The following LAMA2 variants were observed in gnomAD, a reference collection of about 807,000 sequenced individuals.
The protein encoded by LAMA2 is laminin subunit alpha 2.
LAMA2 carries 269 observed loss-of-function variants against 364.8 expected under a neutral mutation model. That is an observed-to-expected ratio of 0.74 (90% CI 0.67 to 0.82). The LOEUF is 0.82. Ranked by LOEUF, LAMA2 falls within the 40% of genes least tolerant of loss-of-function variation. The pLI is 0.00. For synonymous variants in LAMA2, 1,379 were observed against 1,370.6 expected, an observed-to-expected ratio of 1.01 and a Z score of -0.14; for missense variants, 3,807 against 3,873.2, an observed-to-expected ratio of 0.98 and a Z score of 0.45.
chr6:129,455,670 AATG>A (rs1782925233), intron 47 of LAMA2, among the ~76,000 whole-genome samples: 1 of 152,170 alleles, frequency 6.6e-6, no homozygotes, highest in Non-Finnish European at 1.5e-5. Context: ...AATGAAATAA[AATG>A]ATAATAGCTT....
intron 37 of LAMA2, among the ~76,000 whole-genome samples, chr6:129,394,582 G>A (rs1364553900): frequency 6.6e-6 from 1 of 152,150 alleles, no homozygotes; most frequent in African/African-American, 2.4e-5. Context: ...ATACTGCTGT[G>A]AGGCAGGATG....
intron 29 of LAMA2, 144 bp from the exon 30 acceptor site, chr6:129,342,199 G>A: frequency 1.5e-6 from 1 of 683,872 alleles, no homozygotes; most frequent in South Asian, 1.6e-5. Flanking sequence ...TTCTCTGTCA[G>A]TGATAAAGTG....
intron 14 of LAMA2, among the ~76,000 whole-genome samples, chr6:129,254,346 T>C (rs1786483135): frequency 6.6e-6 from 1 of 152,222 alleles, no homozygotes; most frequent in African/African-American, 2.4e-5. Flanking sequence ...TATTTAATAG[T>C]TGTAAACATA....
chr6:128,930,949 C>G (rs559281667), intron 1 of LAMA2, among the ~76,000 whole-genome samples: 9 of 152,238 alleles, frequency 5.9e-5, no homozygotes, highest in African/African-American at 9.6e-5. Flanking sequence ...CTAAGATGCT[C>G]TCTGCTAGTC....
chr6:129,438,520 A>G (rs1781943228), intron 41 of LAMA2, 126 bp from the exon 42 acceptor site: 1 of 594,816 alleles, frequency 1.7e-6, no homozygotes, highest in African/African-American at 1.9e-5. Flanking sequence ...ATAGATGCCA[A>G]TAAATTAAAT....
In LAMA2 at chr6:129,049,955, T is replaced by C. The variant is rs1787874889; in HGVS notation, c.150T>C (p.Ala50=). ...FPAVLNLASN[A]LITTNATCGE... ...CTGTCCTGAATCTTGCTTCTAATGC[T>C]CTTATCACGACCAATGCAACATGTG... Residue 50 remains alanine, a synonymous_variant, in exon 2 of 65, where the codon GCT becomes GCC. Transcript: ENST00000421865. 1 of 1,614,082 alleles carries C rather than the reference T, an allele frequency of 6.2e-7. No homozygotes were observed. Among genetic ancestry groups the C allele is most frequent in the South Asian group, 1.1e-5 (1 of 91,076 alleles).
At chr6:129,029,097 A>G (rs1786038916) in intron 1 of LAMA2, among the ~76,000 whole-genome samples, 1 of 151,972 alleles carries the variant, frequency 6.6e-6, no homozygotes, top group African/African-American at 2.4e-5. Context: ...AAATACAAGG[A>G]GAAAGGAATA....
chr6:129,498,910 AC>A (rs1365543000), intron 58 of LAMA2, among the ~76,000 whole-genome samples: 2 of 152,206 alleles, frequency 1.3e-5, no homozygotes, highest in Non-Finnish European at 2.9e-5. Context: ...CTTTATTCTG[AC>A]CTGAAGTTAA....
chr6:128,984,347 G>C (rs1783081770), intron 1 of LAMA2, among the ~76,000 whole-genome samples: 1 of 152,062 alleles, frequency 6.6e-6, no homozygotes, highest in Non-Finnish European at 1.5e-5. Context: ...ACTCTTCTGA[G>C]GCCTCCTCAT....
At chr6:129,357,547 A>G (rs1017789885) in intron 32 of LAMA2, among the ~76,000 whole-genome samples, 4 of 152,100 alleles carry the variant, frequency 2.6e-5, no homozygotes, top group East Asian at 1.9e-4. Context: ...TTGCTTGCCA[A>G]TTTGCAAAAG....
In LAMA2 at chr6:129,391,609, G is replaced by GA. The variant is rs747567057; in HGVS notation, c.5195dup (p.Asn1732LysfsTer10). On this transcript the variant is annotated frameshift_variant, in exon 36 of 65. Coordinates refer to ENST00000421865, the MANE Select transcript of LAMA2 (RefSeq NM_000426.4). LOFTEE classifies it high-confidence loss of function. ...ACCAGATGATTAAAGAACTGAGGAG[G>GA]AAAAATCTAGAGACACAAAAGGAAA... The GA allele has an allele frequency of 4.3e-6, 7 of 1,613,802 alleles. No individual in the cohort carries two copies. The highest frequency in any genetic ancestry group is 5.9e-6 in the Non-Finnish European group (7 of 1,179,848).
In LAMA2 at chr6:129,492,310, A is replaced by AT; in HGVS notation, c.8076-3dup. 6.2e-7 allele frequency: 1 copy of AT among 1,613,616 alleles called. No individual in the cohort carries two copies. The highest frequency in any genetic ancestry group is 8.5e-7 in the Non-Finnish European group (1 of 1,179,532). On this transcript the variant is annotated splice_polypyrimidine_tract_variant and splice_region_variant and intron_variant, in intron 57 of 64. Transcript: ENST00000421865. ...AAAAAAATCTTATTTATTACATTCT[A>AT]TTAGCCCCATGGACTTTGCAAGGCC...
chr6:129,513,238 CT>C (rs1039284117), intron 63 of LAMA2, among the ~76,000 whole-genome samples: 3 of 152,118 alleles, frequency 2.0e-5, no homozygotes, highest in African/African-American at 7.2e-5. Flanking sequence ...TTTTTTCTTG[CT>C]TTCTTCCTCT....
At chr6:129,372,426 C>A (rs1386436474) in intron 34 of LAMA2, among the ~76,000 whole-genome samples, 1 of 152,134 alleles carries the variant, frequency 6.6e-6, no homozygotes, top group East Asian at 1.9e-4. Flanking sequence ...TAGCTTCTTT[C>A]CCTTGGTAAT....
At chr6:129,138,759 C>T (rs955759124) in intron 4 of LAMA2, among the ~76,000 whole-genome samples, 1 of 151,930 alleles carries the variant, frequency 6.6e-6, no homozygotes, top group Non-Finnish European at 1.5e-5. Context: ...TATAATAAAG[C>T]TACTGACAAT....
intron 28 of LAMA2, among the ~76,000 whole-genome samples, chr6:129,322,789 G>A (rs1775049585): frequency 6.6e-6 from 1 of 152,058 alleles, no homozygotes; most frequent in African/African-American, 2.4e-5. Flanking sequence ...TTCCATTCTG[G>A]ATTTAAAATG....
intron 21 of LAMA2, among the ~76,000 whole-genome samples, chr6:129,298,538 TG>T (rs1562431456): frequency 6.6e-6 from 1 of 152,150 alleles, no homozygotes; most frequent in Non-Finnish European, 1.5e-5. Context: ...ACATTAGCCT[TG>T]ATTTATATGC....
intron 14 of LAMA2, among the ~76,000 whole-genome samples, chr6:129,254,260 T>C (rs377474926): frequency 6.6e-6 from 1 of 152,210 alleles, no homozygotes; most frequent in Non-Finnish European, 1.5e-5. Context: ...GTTAGTTATA[T>C]GATTAGATGG....
chr6:129,071,763 T>C (rs1038485306), intron 3 of LAMA2, among the ~76,000 whole-genome samples: 2 of 152,168 alleles, frequency 1.3e-5, no homozygotes, highest in Non-Finnish European at 2.9e-5. Flanking sequence ...TCCACTATGG[T>C]CAGTGTATTT....
Sources: allele counts gnomAD v4.1 joint callset (sites outside exome capture counted in the v4.1 genomes callset), GRCh38; gene constraint gnomAD v4.1.1; transcripts MANE v1.5; gene names NCBI Gene and HGNC (gene_info 2026-07-23, HGNC 2026-07-21).